LPCAT4: variants seen among roughly 807,000 people sequenced by gnomAD.
LPCAT4 encodes the protein lysophosphatidylcholine acyltransferase 4.
A neutral mutation model predicts 66.5 loss-of-function variants in LPCAT4; 30 were observed. The ratio of observed to expected loss-of-function variants is 0.45; its 90% confidence interval spans 0.34 to 0.61. The LOEUF (loss-of-function observed/expected upper bound fraction) is 0.61. Ranked by LOEUF, LPCAT4 falls within the 20% of genes least tolerant of loss-of-function variation. The pLI, the probability that LPCAT4 is intolerant of heterozygous loss-of-function variation, is 0.01. For synonymous variants in LPCAT4, 253 were observed against 262.1 expected, an observed-to-expected ratio of 0.97 and a Z score of 0.34; for missense variants, 557 against 656.7, an observed-to-expected ratio of 0.85 and a Z score of 1.66.
rs777463103 is a variant in LPCAT4 at position 34,362,774 on chromosome 15, AG to A, written c.801+7del. ...GTACTTCTCCCACCGCCCCCACGGGAGCCATACCTCCACATCCACAATGCTG... is the reference window on the plus strand; with the variant it reads ...GTACTTCTCCCACCGCCCCCACGGGACCATACCTCCACATCCACAATGCTG... On this transcript the variant is annotated splice_region_variant and intron_variant, in intron 8 of 13. Coordinates refer to ENST00000314891, the MANE Select transcript of LPCAT4 (RefSeq NM_153613.3). 3 of 1,614,114 alleles carry A rather than the reference AG, an allele frequency of 1.9e-6. No homozygotes were observed. Among genetic ancestry groups the A allele is most frequent in the Non-Finnish European group, 2.5e-6 (3 of 1,179,952 alleles).
Position 34,363,309 on chromosome 15 carries a change from C to T in LPCAT4, c.746+113G>A, listed in dbSNP as rs1372838493. 1 of 1,157,296 alleles carries T rather than the reference C, an allele frequency of 8.6e-7. No individual in the cohort carries two copies. The highest frequency in any genetic ancestry group is 1.5e-5 in the African/African-American group (1 of 64,962). 71.7% of individuals were successfully genotyped at this position (1,157,296 alleles called of 1,614,324 possible). A position where few individuals can be genotyped will look rare whatever the true frequency, so the allele number is the denominator to read the frequency against. On this transcript the variant is annotated intron_variant, in intron 7 of 13. Transcript: ENST00000314891. The surrounding 1 kb of genome is among the most constrained non-coding windows in gnomAD (Gnocchi z 4.3). ...AGTGGTGTCTCCTCTAGAGTTCTCT[C>T]AGTCCTCAGATGAAGAAGGGCCATT... is the stretch of plus-strand genomic sequence containing the variant.
chr15:34,360,312 C>A, intron 11 of LPCAT4, 103 bp from the exon 12 acceptor site: 2 of 828,098 alleles, frequency 2.4e-6, no homozygotes, highest in South Asian at 1.5e-5. Context: ...TGGGGGTGAT[C>A]CCTGTGACTG....
rs145805738 is a variant in LPCAT4 at position 34,365,133 on chromosome 15, C to A, written c.353G>T (p.Arg118Leu). Reference protein sequence around the residue: ...RIRVRGQRASRLQAPVLVAAP... With the variant: ...RIRVRGQRASLLQAPVLVAAP... ...AGCAACAAGGACAGGGGCTTGAAGG[C>A]GAGAGGCTCGCTGGCCACGAACGCG... Residue 118 changes from arginine to leucine, a missense_variant, in exon 3 of 14, where the codon CGC becomes CTC. Physicochemically the swap from Arg to Leu is moderately radical, Grantham distance 102. Around this residue, in one of 4 missense-constraint regions of LPCAT4, gnomAD observed 65 missense variants for 83.5 expected, o/e 0.78. Transcript: ENST00000314891. 6.1e-5 allele frequency: 99 copies of A among 1,614,180 alleles called. No individual in the cohort carries two copies. The highest frequency in any genetic ancestry group is 4.4e-4 in the African/African-American group (33 of 75,034).
intron 1 of LPCAT4, chr15:34,366,066 A>G (rs968722975): frequency 2.2e-5 from 4 of 185,836 alleles, no homozygotes; most frequent in Non-Finnish European, 4.6e-5. Flanking sequence ...CTCCTCCCCC[A>G]CATCTTATTC....
Position 34,363,310 on chromosome 15 carries a change from A to G in LPCAT4, c.746+112T>C. 8.6e-7 allele frequency: 1 copy of G among 1,159,614 alleles called. No individual in the cohort carries two copies. Among genetic ancestry groups the G allele is most frequent in the East Asian group, 2.3e-5 (1 of 42,560 alleles). 71.8% of individuals were successfully genotyped at this position (1,159,614 alleles called of 1,614,324 possible). On this transcript the variant is annotated intron_variant, in intron 7 of 13. Coordinates refer to ENST00000314891, the MANE Select transcript of LPCAT4 (RefSeq NM_153613.3). The surrounding 1 kb of genome is among the most constrained non-coding windows in gnomAD (Gnocchi z 4.3). Reference sequence around the variant, plus strand: ...GTGGTGTCTCCTCTAGAGTTCTCTCAGTCCTCAGATGAAGAAGGGCCATTC... The same window carrying G: ...GTGGTGTCTCCTCTAGAGTTCTCTCGGTCCTCAGATGAAGAAGGGCCATTC...
chr15:34,367,103 C>A lies in LPCAT4; in HGVS notation c.-3G>T, dbSNP rs768200972. 3 of 1,539,528 alleles carry A rather than the reference C, an allele frequency of 1.9e-6. No homozygotes were observed. In the South Asian group the frequency reaches 3.6e-5, roughly 18 times the overall value. On this transcript the variant is annotated 5_prime_UTR_variant, in exon 1 of 14. Coordinates refer to ENST00000314891, the MANE Select transcript of LPCAT4 (RefSeq NM_153613.3). ...TCCCCCGGACTTCCCTGGCTCATGG[C>A]GGGAGAAGGTGGGAGGGAGGGCACC...
At position 34,363,446 on chromosome 15, in the gene LPCAT4, C is replaced by G. The variant is rs1230245056; in HGVS notation, c.722G>C (p.Ser241Thr). Residue 241 changes from serine to threonine, a missense_variant, in exon 7 of 14, where the codon AGC (serine) becomes ACC (threonine). Transcript: ENST00000314891. This position sits in a 1 kb window ranked among gnomAD's most constrained non-coding sequence, Gnocchi z 4.3. ...IRYPNSLDTT[S>T]WAWRGPGVLK... Reference sequence around the variant, plus strand: ...CACTCCAGGACCCCTCCATGCCCAGCTGGTGGTGTCCTATGGGAGAAACAC... The same window carrying G: ...CACTCCAGGACCCCTCCATGCCCAGGTGGTGGTGTCCTATGGGAGAAACAC... The G allele has an allele frequency of 6.2e-7, 1 of 1,614,114 alleles. No individual in the cohort carries two copies. Among genetic ancestry groups the G allele is most frequent in the South Asian group, 1.1e-5 (1 of 91,072 alleles).
At chr15:34,359,448 C>G (rs1566892815) in intron 13 of LPCAT4, 141 bp downstream of exon 13, 6 of 1,326,250 alleles carry the variant, frequency 4.5e-6, no homozygotes, top group Middle Eastern at 2.7e-4. Flanking sequence ...TCCTTTCTAG[C>G]CTGTTCCTCC....
intron 11 of LPCAT4, among the ~76,000 whole-genome samples, chr15:34,360,613 T>C (rs1224276381): frequency 6.6e-6 from 1 of 152,224 alleles, no homozygotes; most frequent in Non-Finnish European, 1.5e-5. Context: ...TAATTTCTTA[T>C]GAAAAACACA....
At chr15:34,359,511 T>C (rs1262231558) in intron 13 of LPCAT4, 78 bp downstream of exon 13, 3 of 1,538,242 alleles carry the variant, frequency 2.0e-6, no homozygotes, top group East Asian at 4.5e-5. Flanking sequence ...TAACCCTTGT[T>C]CCCTCCCAGC....
Position 34,359,107 on chromosome 15 carries a change from G to C in LPCAT4, c.*20C>G, listed in dbSNP as rs556567055. The C allele has an allele frequency of 9.8e-5, 156 of 1,592,516 alleles. No homozygotes were observed. In the African/African-American group the frequency reaches 1.4e-3, roughly 14 times the overall value. Reference sequence around the variant, plus strand: ...CCCCTAGCGCTGCCCTGAGGAGGAGGGGGTGAGAGGCTGAGGCACTCAGTC... The same window carrying C: ...CCCCTAGCGCTGCCCTGAGGAGGAGCGGGTGAGAGGCTGAGGCACTCAGTC... On this transcript the variant is annotated 3_prime_UTR_variant, in exon 14 of 14. Coordinates refer to ENST00000314891, the MANE Select transcript of LPCAT4 (RefSeq NM_153613.3).
chr15:34,365,273 C>T (rs747427263), intron 2 of LPCAT4, 45 bp from the exon 3 acceptor site: 1 of 1,543,258 alleles, frequency 6.5e-7, no homozygotes, highest in East Asian at 2.3e-5. Flanking sequence ...TGGTTCTAAC[C>T]CTCACCCGCC....
intron 9 of LPCAT4, 81 bp downstream of exon 9, chr15:34,362,492 T>C (rs1453470336): frequency 3.5e-6 from 5 of 1,449,172 alleles, no homozygotes; most frequent in Non-Finnish European, 4.7e-6. Context: ...GATCTTTGCC[T>C]GAAAACCTCG....
Position 34,365,602 on chromosome 15 carries a change from G to A in LPCAT4, c.214C>T (p.Leu72Phe). ...WPFAWLQVAG[L>F]SEEQLQEPIT... is the part of the protein sequence containing the mutation. ...GGCTCCTGAAGCTGCTCCTCACTAAGACCGGCCACTTGAAGCCAGGCAAAG... is the reference window on the plus strand; with the variant it reads ...GGCTCCTGAAGCTGCTCCTCACTAAAACCGGCCACTTGAAGCCAGGCAAAG... The change falls in exon 2 of 14, where the codon CTT becomes TTT. Residue 72 changes from leucine to phenylalanine, a missense_variant. Coordinates refer to ENST00000314891, the MANE Select transcript of LPCAT4 (RefSeq NM_153613.3). 6.2e-7 allele frequency: 1 copy of A among 1,614,218 alleles called. No homozygotes were observed.
At chr15:34,361,232 G>A (rs1890934526) in intron 11 of LPCAT4, 168 bp downstream of exon 11, 1 of 1,492,942 alleles carries the variant, frequency 6.7e-7, no homozygotes, top group Admixed American at 2.3e-5. Flanking sequence ...CTGGATGCCT[G>A]ATTAAAAAAT....
chr15:34,366,225 G>A (rs1055494676), intron 1 of LPCAT4, among the ~76,000 whole-genome samples: 2 of 152,192 alleles, frequency 1.3e-5, no homozygotes, highest in East Asian at 1.9e-4. Context: ...TTAGAGTACC[G>A]GGGGATATGG....
Position 34,363,705 on chromosome 15 carries a change from C to T in LPCAT4, c.667G>A (p.Gly223Arg). ...LKFKPGAFIA[G>R]VPVQPVLIRY... ...ATGAGGACAGGCTGCACAGGCACCC[C>T]TGCGATGAAGGCTCCTAAATCCCAT... is the stretch of plus-strand genomic sequence containing the variant. Residue 223 changes from glycine to arginine, a missense_variant, in exon 6 of 14, where the codon GGG becomes AGG. Coordinates refer to ENST00000314891, the MANE Select transcript of LPCAT4 (RefSeq NM_153613.3). The surrounding 1 kb of genome is among the most constrained non-coding windows in gnomAD (Gnocchi z 4.3). The T allele has an allele frequency of 6.2e-7, 1 of 1,614,224 alleles. No homozygotes were observed. The highest frequency in any genetic ancestry group is 8.5e-7 in the Non-Finnish European group (1 of 1,180,050).
Position 34,362,828 on chromosome 15 carries a change from A to T in LPCAT4, c.755T>A (p.Val252Asp). ...GGGCTGAGAGGCTGTGAGCCAGAGG[A>T]CTTTGAGTCTAAGAGAAGAGAGATT... ...WAWRGPGVLKVLWLTASQPCS... is the reference protein window; with the variant it reads ...WAWRGPGVLKDLWLTASQPCS... The change falls in exon 8 of 14, where the codon GTC becomes GAC. Residue 252 changes from valine (V) to aspartate (D), a missense_variant. Val to Asp is a radical substitution (Grantham distance 152). This residue lies in a region of LPCAT4 where 392 missense variants were observed against 473.9 expected (regional missense o/e 0.83). Coordinates refer to ENST00000314891, the MANE Select transcript of LPCAT4 (RefSeq NM_153613.3). 1 of 1,614,116 alleles carries T rather than the reference A, an allele frequency of 6.2e-7. No individual in the cohort carries two copies. Among genetic ancestry groups the T allele is most frequent in the South Asian group, 1.1e-5 (1 of 91,084 alleles).
At chr15:34,364,411 C>CG in intron 3 of LPCAT4, 105 bp from the exon 4 acceptor site, 1 of 557,966 alleles carries the variant, frequency 1.8e-6, no homozygotes, top group Non-Finnish European at 3.1e-6. Flanking sequence ...TCTGTTATCT[C>CG]TTTTTTTTTT....
Sources: gnomAD v4.1 joint callset for allele counts (sites outside exome capture counted in the v4.1 genomes callset) on GRCh38, gnomAD v4.1.1 for gene constraint, gnomAD v4.1.1 regional missense constraint, Gnocchi (gnomAD v3.1) non-coding constraint, MANE v1.5 for transcripts, NCBI Gene and HGNC (gene_info 2026-07-23, HGNC 2026-07-21) for gene names.